TAFA2: variants seen among roughly 807,000 people sequenced by gnomAD.
The protein encoded by TAFA2 is TAFA chemokine like family member 2.
In TAFA2, 7 loss-of-function variants were observed where a neutral mutation model predicts 18.8. The ratio of observed to expected loss-of-function variants is 0.37; its 90% CI spans 0.21 to 0.70. TAFA2 has a LOEUF of 0.70. TAFA2 is among the 30% of genes least tolerant of loss of function. The probability of loss-of-function intolerance (pLI) is 0.53; values close to 1 mark genes in which losing one functional copy is unlikely to be tolerated. For synonymous variants in TAFA2, 60 were observed against 54.2 expected, an observed-to-expected ratio of 1.11 and a Z score of -0.47; for missense variants, 122 against 158.1, an observed-to-expected ratio of 0.77 and a Z score of 1.23.
At chr12:62,235,354 G>C in intron 1 of TAFA2, 1 of 655,264 alleles carries the variant, frequency 1.5e-6, no homozygotes, top group Admixed American at 2.4e-5. Flanking sequence ...ATGCTTGGTA[G>C]GCCATGGTTC....
At chr12:61,723,960 A>T (rs1870020939) in intron 4 of TAFA2, among the ~76,000 whole-genome samples, 1 of 152,126 alleles carries the variant, frequency 6.6e-6, no homozygotes, top group African/African-American at 2.4e-5. Flanking sequence ...CTCACTTGAC[A>T]TCAGATATGG....
intron 4 of TAFA2, among the ~76,000 whole-genome samples, chr12:61,734,854 C>T (rs776229387): frequency 1.3e-5 from 2 of 151,666 alleles, no homozygotes; most frequent in Non-Finnish European, 2.9e-5. Flanking sequence ...TATTATTTTC[C>T]CCTTCATCAC....
intron 1 of TAFA2, among the ~76,000 whole-genome samples, chr12:62,100,094 T>C (rs1869124925): frequency 1.3e-5 from 2 of 151,754 alleles, no homozygotes; most frequent in African/African-American, 2.4e-5. Flanking sequence ...TTCCTGTCAT[T>C]ATGTCTGCCA....
At chr12:61,949,891 A>G (rs1302358005) in intron 1 of TAFA2, among the ~76,000 whole-genome samples, 1 of 152,150 alleles carries the variant, frequency 6.6e-6, no homozygotes. Flanking sequence ...TGCAAAATCG[A>G]AACTCCATAC....
chr12:61,749,401 TTGAATAAGATAATACC>T (rs1353897183), intron 4 of TAFA2, among the ~76,000 whole-genome samples: 3 of 152,108 alleles, frequency 2.0e-5, no homozygotes, highest in Non-Finnish European at 4.4e-5. Flanking sequence ...GTTGGGTAAA[TTGAATAAGATAATACC>T]TGCAATGTAC....
At chr12:62,140,146 T>C (rs938547844) in intron 1 of TAFA2, 1 of 152,210 alleles carries the variant, frequency 6.6e-6, no homozygotes, top group Non-Finnish European at 1.5e-5. Context: ...CAGATTTTAC[T>C]GTAAATATTT....
intron 1 of TAFA2, among the ~76,000 whole-genome samples, chr12:62,005,930 T>A (rs1880533513): frequency 6.6e-6 from 1 of 152,136 alleles, no homozygotes; most frequent in African/African-American, 2.4e-5. Flanking sequence ...TAATCTACCC[T>A]CAAATCATCT....
At chr12:62,159,922 T>TA (rs2062395327) in intron 1 of TAFA2, among the ~76,000 whole-genome samples, 1 of 152,220 alleles carries the variant, frequency 6.6e-6, no homozygotes, top group African/African-American at 2.4e-5. Context: ...TGGATGTTCT[T>TA]AGACTCCCCA....
intron 1 of TAFA2, among the ~76,000 whole-genome samples, chr12:61,939,430 C>CA (rs1295306948): frequency 1.3e-5 from 2 of 151,818 alleles, no homozygotes; most frequent in African/African-American, 4.8e-5. Flanking sequence ...GGTTTATTGG[C>CA]AAAAAATACT....
chr12:61,998,801 G>T (rs997376690), intron 1 of TAFA2, among the ~76,000 whole-genome samples: 2 of 152,188 alleles, frequency 1.3e-5, no homozygotes, highest in Non-Finnish European at 2.9e-5. Context: ...CAAGGGAGGG[G>T]CTGGGAATAC....
chr12:61,739,622 T>G (rs1428233541), intron 4 of TAFA2, among the ~76,000 whole-genome samples: 4 of 152,058 alleles, frequency 2.6e-5, no homozygotes, highest in Non-Finnish European at 5.9e-5. Flanking sequence ...TAACAGCTTT[T>G]ATCATAATTT....
intron 2 of TAFA2, among the ~76,000 whole-genome samples, chr12:61,816,446 A>G (rs779197523): frequency 2.6e-4 from 39 of 151,188 alleles, no homozygotes; most frequent in Non-Finnish European, 2.2e-4. Flanking sequence ...GGTTGATTCC[A>G]TGTCTTTGCT....
intron 1 of TAFA2, among the ~76,000 whole-genome samples, chr12:62,019,914 T>C (rs1181088036): frequency 6.6e-6 from 1 of 152,170 alleles, no homozygotes; most frequent in African/African-American, 2.4e-5. Context: ...TTTAATTATT[T>C]TCAATTTCTT....
chr12:61,910,477 C>G (rs1592479436), intron 1 of TAFA2, among the ~76,000 whole-genome samples: 1 of 152,174 alleles, frequency 6.6e-6, no homozygotes, highest in African/African-American at 2.4e-5. Flanking sequence ...CTACCAGCCT[C>G]TCAATTCAGT....
In TAFA2 at chr12:61,972,852, G is replaced by A. The variant is rs570118005; in HGVS notation, c.-1-105426C>T. Among the ~76,000 whole-genome samples the A allele has an allele frequency of 3.4e-4, 51 of 151,512 alleles. 2 individuals are homozygous for A. The highest frequency in any genetic ancestry group is 2.4e-3 in the Admixed American group (37 of 15,146). ...AGGTAACATCAAACTGGGGTCAAGC[G>A]GATTACAGATAGTTCAAATCCATGA... is the stretch of plus-strand genomic sequence containing the variant. On this transcript the variant is annotated intron_variant, in intron 1 of 4. Coordinates refer to ENST00000416284, the MANE Select transcript of TAFA2 (RefSeq NM_178539.5).
chr12:62,161,428 A>C (rs933914778), intron 1 of TAFA2, among the ~76,000 whole-genome samples: 3 of 152,224 alleles, frequency 2.0e-5, no homozygotes, highest in Non-Finnish European at 4.4e-5. Context: ...GAAGATCATT[A>C]TCTTGAGTGA....
chr12:61,730,627 G>A (rs1178593274), intron 4 of TAFA2, among the ~76,000 whole-genome samples: 3 of 151,962 alleles, frequency 2.0e-5, no homozygotes, highest in Admixed American at 6.6e-5. Flanking sequence ...CAGGCCAATC[G>A]ATTCATGTTA....
chr12:61,868,847 A>G (rs1050887336), intron 1 of TAFA2, among the ~76,000 whole-genome samples: 1 of 152,102 alleles, frequency 6.6e-6, no homozygotes, highest in South Asian at 2.1e-4. Flanking sequence ...TTTGAGTCCA[A>G]ACTTTAATGG....
At chr12:61,961,889 C>T (rs956916503) in intron 1 of TAFA2, among the ~76,000 whole-genome samples, 2 of 151,964 alleles carry the variant, frequency 1.3e-5, no homozygotes, top group African/African-American at 4.8e-5. Flanking sequence ...TTAAAATAGG[C>T]AGATCTAATA....
Sources: allele counts gnomAD v4.1 joint callset (sites outside exome capture counted in the v4.1 genomes callset), GRCh38; gene constraint gnomAD v4.1.1; transcripts MANE v1.5; gene names NCBI Gene and HGNC (gene_info 2026-07-23, HGNC 2026-07-21).